The following CTNNA3 variants were observed in gnomAD, a reference collection of about 807,000 sequenced individuals.
CTNNA3 encodes the protein catenin alpha 3.
Under a neutral mutation model 95.7 loss-of-function variants are expected in CTNNA3, and 76 were observed. The ratio of observed to expected loss-of-function variants is 0.79; its 90% CI spans 0.66 to 0.96. The LOEUF is 0.96. Among genes scored for constraint, CTNNA3 ranks in the 40% least tolerant of loss-of-function variants. CTNNA3 has a pLI of 0.00. For synonymous variants in CTNNA3, 431 were observed against 374.4 expected (o/e 1.15, Z -1.74); for missense variants, 1,191 against 1,089.8 (o/e 1.09, Z -1.31).
intron 7 of CTNNA3, among the ~76,000 whole-genome samples, chr10:66,874,021 G>C (rs375312842): frequency 3.3e-5 from 5 of 152,156 alleles, no homozygotes; most frequent in African/African-American, 1.2e-4. Context: ...ATTCAAGTCT[G>C]ATGCAGAGAC....
intron 1 of CTNNA3, chr10:67,751,177 G>A (rs533940983): frequency 3.6e-5 from 46 of 1,270,672 alleles, no homozygotes; most frequent in African/African-American, 1.6e-4. Context: ...TGGAGGGCCC[G>A]TAACATGTTG....
rs1165034291 is a variant in CTNNA3 at position 67,239,155 on chromosome 10, T to C, written c.580-19285A>G. 3.3e-5 allele frequency among the ~76,000 whole-genome samples: 5 copies of C among 152,100 alleles called. No individual in the cohort carries two copies. In the East Asian group the frequency reaches 9.7e-4, roughly 29 times the overall value. ...CCGTTGGTACGACTACTTTGGAAAA[T>C]GATTTGATAGTATTTACTGAAGCTG... On this transcript the variant is annotated intron_variant, in intron 5 of 17. Transcript: ENST00000433211.
At chr10:67,647,283 C>T (rs1839745360) in intron 2 of CTNNA3, 132 bp downstream of exon 2, 1 of 598,396 alleles carries the variant, frequency 1.7e-6, no homozygotes, top group South Asian at 3.0e-5. Flanking sequence ...CTTAACAACT[C>T]TTTAAAGGAC....
At chr10:67,023,327 T>A (rs1180628778) in intron 7 of CTNNA3, among the ~76,000 whole-genome samples, 1 of 152,084 alleles carries the variant, frequency 6.6e-6, no homozygotes, top group Non-Finnish European at 1.5e-5. Context: ...GAATAAGACA[T>A]TCCTCCATGA....
chr10:66,641,904 C>A (rs1845528892), intron 9 of CTNNA3, among the ~76,000 whole-genome samples: 1 of 152,000 alleles, frequency 6.6e-6, no homozygotes, highest in Non-Finnish European at 1.5e-5. Flanking sequence ...AACAAAAAAC[C>A]CAAAGCTACA....
At chr10:66,185,198 A>G (rs534524378) in intron 13 of CTNNA3, among the ~76,000 whole-genome samples, 4 of 152,300 alleles carry the variant, frequency 2.6e-5, no homozygotes, top group Admixed American at 2.6e-4. Context: ...CAATAGCAAT[A>G]ACAATTTCGG....
chr10:67,152,323 T>A (rs1450871090), intron 7 of CTNNA3, among the ~76,000 whole-genome samples: 1 of 152,212 alleles, frequency 6.6e-6, no homozygotes, highest in African/African-American at 2.4e-5. Flanking sequence ...AATTAGGTAC[T>A]TTTTTGTATT....
chr10:66,081,514 AC>A (rs2080761693), intron 14 of CTNNA3, among the ~76,000 whole-genome samples: 1 of 152,088 alleles, frequency 6.6e-6, no homozygotes, highest in African/African-American at 2.4e-5. Context: ...TACCAAAAAA[AC>A]ACAAAAAAAA....
intron 3 of CTNNA3, among the ~76,000 whole-genome samples, chr10:67,598,496 G>A (rs1287268687): frequency 3.3e-5 from 5 of 151,864 alleles, no homozygotes; most frequent in South Asian, 2.1e-4. Context: ...CCTTCCTTCC[G>A]AAGTACTGTT....
chr10:67,225,141 G>A (rs1044356676), intron 5 of CTNNA3, among the ~76,000 whole-genome samples: 3 of 152,050 alleles, frequency 2.0e-5, no homozygotes, highest in African/African-American at 7.2e-5. Flanking sequence ...CTCAGGAGAG[G>A]CAGCCATAAT....
chr10:67,015,781 C>T (rs1307231832), intron 7 of CTNNA3, among the ~76,000 whole-genome samples: 2 of 151,948 alleles, frequency 1.3e-5, no homozygotes, highest in African/African-American at 2.4e-5. Context: ...CAATTACGTA[C>T]ATGTTGTCTC....
At chr10:66,377,113 T>A (rs539311031) in intron 12 of CTNNA3, among the ~76,000 whole-genome samples, 1 of 152,214 alleles carries the variant, frequency 6.6e-6, no homozygotes, top group East Asian at 1.9e-4. Flanking sequence ...TGGAGAATAG[T>A]TTGGAATTAG....
intron 12 of CTNNA3, among the ~76,000 whole-genome samples, chr10:66,335,557 C>T (rs1291298251): frequency 6.6e-6 from 1 of 152,080 alleles, no homozygotes; most frequent in Non-Finnish European, 1.5e-5. Context: ...TATTGGTGAA[C>T]AGCAAATGTT....
intron 7 of CTNNA3, among the ~76,000 whole-genome samples, chr10:67,133,386 C>T (rs1396196729): frequency 1.1e-4 from 15 of 136,274 alleles, no homozygotes; most frequent in Non-Finnish European, 1.5e-4. Context: ...TATACACACA[C>T]ACACACACAC....
intron 7 of CTNNA3, among the ~76,000 whole-genome samples, chr10:66,920,252 G>A: frequency 6.6e-6 from 1 of 152,156 alleles, no homozygotes; most frequent in East Asian, 1.9e-4. Context: ...TGGTTCCTAA[G>A]TAAAAATCCT....
intron 9 of CTNNA3, among the ~76,000 whole-genome samples, chr10:66,663,419 G>C (rs1266367552): frequency 6.9e-6 from 1 of 144,670 alleles, no homozygotes; most frequent in Non-Finnish European, 1.5e-5. Context: ...TTCTCACTTA[G>C]TTTCTTACTT....
At chr10:66,893,935 T>C (rs2132501925) in intron 7 of CTNNA3, among the ~76,000 whole-genome samples, 1 of 152,278 alleles carries the variant, frequency 6.6e-6, no homozygotes, top group East Asian at 1.9e-4. Context: ...TATCTAATGC[T>C]GTAAGAAAAG....
At chr10:66,576,437 G>A (rs980928546) in intron 10 of CTNNA3, among the ~76,000 whole-genome samples, 4 of 151,990 alleles carry the variant, frequency 2.6e-5, no homozygotes, top group African/African-American at 9.7e-5. Context: ...CCAAGGTAGT[G>A]AGCATAGTAC....
intron 7 of CTNNA3, among the ~76,000 whole-genome samples, chr10:66,796,916 A>G (rs547234784): frequency 6.6e-6 from 1 of 152,090 alleles, no homozygotes; most frequent in South Asian, 2.1e-4. Flanking sequence ...TAGTACACAC[A>G]TGTTCTGAGC....
Sources: gnomAD v4.1 joint callset for allele counts (sites outside exome capture counted in the v4.1 genomes callset) on GRCh38, gnomAD v4.1.1 for gene constraint, MANE v1.5 for transcripts, NCBI Gene and HGNC (gene_info 2026-07-23, HGNC 2026-07-21) for gene names.